ABHD12: variants seen among roughly 807,000 people sequenced by gnomAD.
The protein encoded by ABHD12 is lysophosphatidylserine lipase ABHD12.
Under a neutral mutation model 58.3 loss-of-function variants are expected in ABHD12, and 43 were observed. The ratio of observed to expected loss-of-function variants is 0.74; its 90% CI spans 0.58 to 0.95. ABHD12 has a LOEUF of 0.95. ABHD12 is among the 40% of genes least tolerant of loss of function. The pLI is 0.00. For synonymous variants in ABHD12, 219 were observed against 211.2 expected (o/e 1.04, Z -0.32); for missense variants, 539 against 537.2 (o/e 1.00, Z -0.03).
At chr20:25,374,691 G>T (rs975911709) in intron 1 of ABHD12, among the ~76,000 whole-genome samples, 4 of 152,092 alleles carry the variant, frequency 2.6e-5, no homozygotes, top group Non-Finnish European at 5.9e-5. Context: ...CAGGACACAG[G>T]GTTTCTCCAT....
chr20:25,304,473 T>C (rs1415147624), intron 10 of ABHD12, among the ~76,000 whole-genome samples: 2 of 152,248 alleles, frequency 1.3e-5, no homozygotes, highest in Non-Finnish European at 2.9e-5. Context: ...GGTGGGGGTC[T>C]CACCCAGGGT....
intron 3 of ABHD12, 116 bp from the exon 4 acceptor site, chr20:25,320,434 C>T: frequency 1.4e-6 from 2 of 1,395,348 alleles, no homozygotes; most frequent in Non-Finnish European, 2.0e-6. Flanking sequence ...AGCTGCAGAC[C>T]CCATCTAACT....
intron 1 of ABHD12, among the ~76,000 whole-genome samples, chr20:25,361,027 T>C (rs1340076721): frequency 6.6e-6 from 1 of 152,224 alleles, no homozygotes; most frequent in Non-Finnish European, 1.5e-5. Context: ...CTTCCGCAGC[T>C]CTCAGAGAGC....
Position 25,390,600 on chromosome 20 carries a change from C to T in ABHD12, c.104G>A (p.Arg35His). 4 of 1,470,676 alleles carry T rather than the reference C, an allele frequency of 2.7e-6. No homozygotes were observed. Among genetic ancestry groups the T allele is most frequent in the Non-Finnish European group, 3.6e-6 (4 of 1,117,222 alleles). The allele number at this position is 1,470,676 out of a possible 1,614,324, so 91.1% of individuals were successfully genotyped here. ...SAAAALDADC[R>H]LKQNLRLTGP... is the part of the protein sequence containing the mutation. ...CGTCAGGCGTAGGTTCTGCTTCAGG[C>T]GGCAGTCGGCGTCCAGCGCCGCGGC... Residue 35 changes from arginine (R) to histidine (H), a missense_variant, in exon 1 of 13, where the codon CGC (arginine) becomes CAC (histidine). Physicochemically the swap from Arg to His is conservative, Grantham distance 29. Transcript: ENST00000339157.
At chr20:25,362,022 C>T (rs2089756015) in intron 1 of ABHD12, among the ~76,000 whole-genome samples, 2 of 150,714 alleles carry the variant, frequency 1.3e-5, no homozygotes, top group Admixed American at 6.6e-5. Context: ...TGCCTGTAAT[C>T]CCAGCACGTT....
intron 2 of ABHD12, among the ~76,000 whole-genome samples, chr20:25,333,649 C>G (rs2089314940): frequency 1.3e-5 from 2 of 151,748 alleles, no homozygotes; most frequent in African/African-American, 4.9e-5. Context: ...AAGGTTGGTT[C>G]AATATACGCA....
At chr20:25,385,887 A>C (rs1343178190) in intron 1 of ABHD12, among the ~76,000 whole-genome samples, 1 of 152,010 alleles carries the variant, frequency 6.6e-6, no homozygotes, top group Admixed American at 6.6e-5. Context: ...TCACGAGGTC[A>C]GGAGATTGAG....
At chr20:25,366,196 G>A (rs1017037295) in intron 1 of ABHD12, among the ~76,000 whole-genome samples, 1 of 151,314 alleles carries the variant, frequency 6.6e-6, no homozygotes, top group Non-Finnish European at 1.5e-5. Context: ...CCTATGAGTT[G>A]CAAATATTTG....
In ABHD12 at chr20:25,345,571, A is replaced by C. The variant is rs2089507693; in HGVS notation, c.192-6220T>G. Among the ~76,000 whole-genome samples, 7 of 152,342 alleles carry C rather than the reference A, an allele frequency of 4.6e-5. No individual in the cohort carries two copies. The South Asian group carries it at 1.4e-3, about 32-fold the overall frequency. ...TATCTGATGAAAGACAGTTATACAA[A>C]ATATACAAAGAACTCTTAAAACTTG... On this transcript the variant is annotated intron_variant, in intron 1 of 12. Transcript: ENST00000339157.
At chr20:25,377,133 C>T (rs1176496952) in intron 1 of ABHD12, among the ~76,000 whole-genome samples, 1 of 152,184 alleles carries the variant, frequency 6.6e-6, no homozygotes, top group Non-Finnish European at 1.5e-5. Flanking sequence ...CCTGTACTGG[C>T]CTAACAGTCC....
downstream of ABHD12, chr20:25,295,768 G>T: frequency 7.3e-7 from 1 of 1,376,996 alleles, no homozygotes; most frequent in South Asian, 1.2e-5. Context: ...GTAGATTCTT[G>T]GCCTGGGCCA....
intron 3 of ABHD12, among the ~76,000 whole-genome samples, chr20:25,322,362 G>GAGATATATATATATATATATATAT (rs1555813665): frequency 1.5e-5 from 1 of 66,138 alleles, no homozygotes; most frequent in African/African-American, 6.9e-5. Flanking sequence ...TCTTGGAAAA[G>GAGATATATATATATATATATATAT]ATATATATAT....
In ABHD12 at chr20:25,384,324, T is replaced by C. The variant is rs974711159; in HGVS notation, c.191+6189A>G. On this transcript the variant is annotated intron_variant, in intron 1 of 12. Transcript: ENST00000339157. ...CCCAGAATTTAAAAACAAAAAAAAC[T>C]GGTTTGGGGTTTTTTTTTTAACCTC... Among the ~76,000 whole-genome samples the C allele has an allele frequency of 4.0e-5, 6 of 149,646 alleles. No homozygotes were observed. The East Asian group carries it at 1.2e-3, about 29-fold the overall frequency.
intron 6 of ABHD12, 127 bp from the exon 7 acceptor site, chr20:25,309,702 G>A: frequency 7.1e-7 from 1 of 1,402,520 alleles, no homozygotes; most frequent in Non-Finnish European, 9.8e-7. Flanking sequence ...CACCCTTCCA[G>A]AGTCCACAGA....
intron 2 of ABHD12, among the ~76,000 whole-genome samples, chr20:25,330,317 C>T (rs1600808997): frequency 2.0e-5 from 3 of 152,222 alleles, no homozygotes; most frequent in African/African-American, 7.2e-5. Flanking sequence ...GGTCCTACGC[C>T]CACGGAGTCT....
chr20:25,305,179 T>C (rs2088712734), intron 10 of ABHD12, among the ~76,000 whole-genome samples: 2 of 152,198 alleles, frequency 1.3e-5, no homozygotes, highest in South Asian at 4.1e-4. Context: ...GATAATTCTT[T>C]TTCAAGTTCC....
chr20:25,295,350 A>G (rs1336090459), downstream of ABHD12, among the ~76,000 whole-genome samples: 1 of 152,368 alleles, frequency 6.6e-6, no homozygotes, highest in Non-Finnish European at 1.5e-5. Context: ...ATGCCAGTTT[A>G]TTTAAAGGAG....
chr20:25,310,846 C>T (rs926410359), intron 6 of ABHD12, among the ~76,000 whole-genome samples: 1 of 152,192 alleles, frequency 6.6e-6, no homozygotes, highest in Admixed American at 6.5e-5. Flanking sequence ...AGCTGGCAGT[C>T]TTGGTGCCAA....
rs192481574 is a variant in ABHD12, at chr20:25,349,592, C to T, written c.192-10241G>A. 2.8e-3 allele frequency among the ~76,000 whole-genome samples: 424 copies of T among 152,308 alleles called. 2 individuals carry two copies. Among genetic ancestry groups the T allele is most frequent in the Middle Eastern group, 6.8e-3 (2 of 294 alleles). ...AAAAAGAATGAAATTTGGATGCATG[C>T]TACAACATGGATGAACTTTTAAAAC... On this transcript the variant is annotated intron_variant, in intron 1 of 12. Coordinates refer to ENST00000339157, the MANE Select transcript of ABHD12 (RefSeq NM_001042472.3).
Sources: gnomAD v4.1 joint callset for allele counts (sites outside exome capture counted in the v4.1 genomes callset) on GRCh38, gnomAD v4.1.1 for gene constraint, MANE v1.5 for transcripts, NCBI Gene and HGNC (gene_info 2026-07-23, HGNC 2026-07-21) for gene names.